The following TBCD variants were observed in gnomAD, a reference collection of about 807,000 sequenced individuals.
TBCD encodes tubulin folding cofactor D.
Under a neutral mutation model 169.3 loss-of-function variants are expected in TBCD, and 105 were observed. That is an observed-to-expected ratio of 0.62 (90% CI 0.53 to 0.73). The LOEUF (loss-of-function observed/expected upper bound fraction) is 0.73, where lower values mean the gene tolerates loss of function less well. Ranked by LOEUF, TBCD falls within the 30% of genes least tolerant of loss-of-function variation. TBCD has a pLI of 0.00. For synonymous variants in TBCD, 700 were observed against 643.9 expected (o/e 1.09, Z -1.32); for missense variants, 1,444 against 1,600.1 (o/e 0.90, Z 1.66).
intron 30 of TBCD, among the ~76,000 whole-genome samples, chr17:82,928,667 C>G (rs567417288): frequency 1.1e-4 from 17 of 152,244 alleles, no homozygotes; most frequent in African/African-American, 3.9e-4. Flanking sequence ...GTGGGGATCC[C>G]AGGGCCTGAT....
intron 13 of TBCD, among the ~76,000 whole-genome samples, chr17:82,828,868 A>G (rs1304706746): frequency 2.0e-5 from 3 of 150,358 alleles, no homozygotes; most frequent in Non-Finnish European, 4.4e-5. Flanking sequence ...ATATGTACAC[A>G]TGCACACTAA....
intron 34 of TBCD, among the ~76,000 whole-genome samples, chr17:82,935,462 C>T (rs892404336): frequency 2.0e-5 from 3 of 152,096 alleles, no homozygotes; most frequent in Non-Finnish European, 4.4e-5. Context: ...CCCTGTGCTG[C>T]GTTCCCAGTG....
intron 13 of TBCD, among the ~76,000 whole-genome samples, chr17:82,836,454 C>T (rs114542425): frequency 0.01 from 1,551 of 152,308 alleles, 32 homozygotes; most frequent in African/African-American, 0.035. Flanking sequence ...CTCGCGAGAC[C>T]GAAACGCCGC....
chr17:82,856,216 T>C (rs140743661), intron 13 of TBCD, among the ~76,000 whole-genome samples: 356 of 152,014 alleles, frequency 2.3e-3, no homozygotes, highest in Middle Eastern at 0.017. Context: ...CTTAAAATCA[T>C]ATGGTAGAAT....
chr17:82,920,382 A>T lies in TBCD; in HGVS notation c.2039-174A>T. 1.5e-6 allele frequency: 1 copy of T among 645,404 alleles called. No homozygotes were observed. The highest frequency in any genetic ancestry group is 2.7e-6 in the Non-Finnish European group (1 of 369,184). 40.0% of individuals were successfully genotyped at this position (645,404 alleles called of 1,614,324 possible). A position where few individuals can be genotyped will look rare whatever the true frequency, so the allele number is the denominator to read the frequency against. Reference sequence around the variant, plus strand: ...GCGGAGGAGGCGTCTTGGGCTTCTCATGGTGGTTCTGAAATGGTTCTGGGA... The same window carrying T: ...GCGGAGGAGGCGTCTTGGGCTTCTCTTGGTGGTTCTGAAATGGTTCTGGGA... On this transcript the variant is annotated intron_variant, in intron 23 of 38. Coordinates refer to ENST00000355528, the MANE Select transcript of TBCD (RefSeq NM_005993.5). This position sits in a 1 kb window ranked among gnomAD's most constrained non-coding sequence, Gnocchi z 4.1.
intron 13 of TBCD, among the ~76,000 whole-genome samples, chr17:82,842,011 C>T (rs1236613530): frequency 2.0e-5 from 3 of 152,224 alleles, no homozygotes; most frequent in South Asian, 2.1e-4. Context: ...AAGGCTGGGC[C>T]GCAGATTGTC....
At chr17:82,753,251 G>C (rs1233377444) in intron 1 of TBCD, among the ~76,000 whole-genome samples, 1 of 152,024 alleles carries the variant, frequency 6.6e-6, no homozygotes, top group Admixed American at 6.6e-5. Flanking sequence ...GTGCGGGTTC[G>C]GCGTCAGATC....
At position 82,910,461 on chromosome 17, in the gene TBCD, T is replaced by C. The variant is rs116076373; in HGVS notation, c.2006+1154T>C. The stretch of plus-strand genomic sequence containing the variant: ...TCATTAAAAATTTTATCGTCTGTCT[T>C]ATTGAGCTGTTAGAACTCTTCATAT... On this transcript the variant is annotated intron_variant, in intron 22 of 38. Coordinates refer to ENST00000355528, the MANE Select transcript of TBCD (RefSeq NM_005993.5). Among the ~76,000 whole-genome samples the C allele has an allele frequency of 3.6e-3, 556 of 152,350 alleles. 2 individuals carry two copies. Among genetic ancestry groups the C allele is most frequent in the African/African-American group, 0.013 (536 of 41,580 alleles).
At chr17:82,905,379 CAG>C (rs1328767862) in intron 19 of TBCD, among the ~76,000 whole-genome samples, 2 of 152,276 alleles carry the variant, frequency 1.3e-5, no homozygotes, top group Admixed American at 1.3e-4. Flanking sequence ...CTTGGTGTCT[CAG>C]GGGCCATCTG....
chr17:82,936,163 C>T (rs901682732), intron 34 of TBCD, among the ~76,000 whole-genome samples: 1 of 152,216 alleles, frequency 6.6e-6, no homozygotes, highest in South Asian at 2.1e-4. Context: ...TCGGTCACCC[C>T]CTCTGCAATT....
chr17:82,797,332 G>C (rs538459759), intron 7 of TBCD, among the ~76,000 whole-genome samples: 1 of 152,364 alleles, frequency 6.6e-6, no homozygotes, highest in African/African-American at 2.4e-5. Flanking sequence ...CATGAATGCA[G>C]ATGGAGGCCT....
intron 10 of TBCD, among the ~76,000 whole-genome samples, chr17:82,807,290 T>A (rs548709273): frequency 6.6e-5 from 10 of 152,222 alleles, no homozygotes; most frequent in African/African-American, 1.7e-4. Flanking sequence ...TGGTCACCCG[T>A]GAGCTGCGGG....
intron 22 of TBCD, among the ~76,000 whole-genome samples, chr17:82,910,577 T>A (rs2060562911): frequency 6.6e-6 from 1 of 152,100 alleles, no homozygotes; most frequent in Non-Finnish European, 1.5e-5. Flanking sequence ...AGTGACTTTT[T>A]TTTTTTGGAG....
chr17:82,873,179 GA>G (rs2057732585), intron 14 of TBCD, among the ~76,000 whole-genome samples: 1 of 152,250 alleles, frequency 6.6e-6, no homozygotes, highest in Non-Finnish European at 1.5e-5. Flanking sequence ...CTTTCATGGT[GA>G]AAATCCTCAC....
Position 82,831,967 on chromosome 17 carries a change from A to C in TBCD, c.1318+17033A>C. ...CTTGAGTCTGTGCTCGCCGACTGGA[A>C]CAAATGCAGAAGGCCGAGCTGCGCC... On this transcript the variant is annotated intron_variant, in intron 13 of 38. Transcript: ENST00000355528. The surrounding 1 kb of genome is among the most constrained non-coding windows in gnomAD (Gnocchi z 4.6). 6.2e-7 allele frequency: 1 copy of C among 1,613,738 alleles called. No individual in the cohort carries two copies. Among genetic ancestry groups the C allele is most frequent in the Non-Finnish European group, 8.5e-7 (1 of 1,179,712 alleles).
intron 13 of TBCD, among the ~76,000 whole-genome samples, chr17:82,855,695 C>G (rs1266178453): frequency 6.6e-6 from 1 of 152,104 alleles, no homozygotes; most frequent in African/African-American, 2.4e-5. Flanking sequence ...AGTACATACC[C>G]AATGTTGCAC....
At chr17:82,840,182 G>GTCCT (rs2054349136) in intron 13 of TBCD, 1 of 152,242 alleles carries the variant, frequency 6.6e-6, no homozygotes. Context: ...CAGCAAGCAA[G>GTCCT]TTATCTCGCC....
intron 6 of TBCD, among the ~76,000 whole-genome samples, chr17:82,780,914 G>T (rs2048905092): frequency 1.3e-5 from 2 of 151,958 alleles, no homozygotes; most frequent in South Asian, 4.2e-4. Flanking sequence ...CAAAGTGCTG[G>T]GATTACAGGC....
At chr17:82,927,046 C>T (rs1034341196) in intron 28 of TBCD, 140 bp from the exon 29 acceptor site, 2 of 1,177,856 alleles carry the variant, frequency 1.7e-6, no homozygotes, top group South Asian at 1.6e-5. Context: ...GGAAGGAGCT[C>T]TGTGTTTCTG....
Sources: gnomAD v4.1 joint callset for allele counts (sites outside exome capture counted in the v4.1 genomes callset) on GRCh38, gnomAD v4.1.1 for gene constraint, Gnocchi (gnomAD v3.1) non-coding constraint, MANE v1.5 for transcripts, NCBI Gene and HGNC (gene_info 2026-07-23, HGNC 2026-07-21) for gene names.